The following ATP11B variants were observed in gnomAD, a reference collection of about 807,000 sequenced individuals.
The protein encoded by ATP11B is ATPase phospholipid transporting 11B (putative).
A neutral mutation model predicts 157.8 loss-of-function variants in ATP11B; 81 were observed. The observed-to-expected ratio is 0.51, with a 90% CI of 0.43 to 0.62. The LOEUF is 0.62. Ranked by LOEUF, ATP11B falls within the 20% of genes least tolerant of loss-of-function variation. ATP11B has a pLI of 0.00. For missense variants in ATP11B, 1,165 were observed against 1,402.2 expected, an observed-to-expected ratio of 0.83 and a Z score of 2.70; for synonymous variants, 451 against 469.4, an observed-to-expected ratio of 0.96 and a Z score of 0.51.
At chr3:182,811,523 C>G (rs1474615724) in intron 1 of ATP11B, among the ~76,000 whole-genome samples, 1 of 152,114 alleles carries the variant, frequency 6.6e-6, no homozygotes, top group Admixed American at 6.5e-5. Flanking sequence ...TGAAAAGTTC[C>G]TAGAAGTCCA....
chr3:182,853,590 T>A (rs1267799647), intron 10 of ATP11B, among the ~76,000 whole-genome samples: 1 of 152,142 alleles, frequency 6.6e-6, no homozygotes, highest in Non-Finnish European at 1.5e-5. Flanking sequence ...GCGTAATATA[T>A]TTAGGAATAA....
At chr3:182,912,892 T>C (rs1724890410) in intron 28 of ATP11B, among the ~76,000 whole-genome samples, 1 of 151,394 alleles carries the variant, frequency 6.6e-6, no homozygotes, top group South Asian at 2.1e-4. Flanking sequence ...AGAAGGTGAA[T>C]TGAAATAAGG....
chr3:182,889,999 A>G (rs1723069270), intron 25 of ATP11B, among the ~76,000 whole-genome samples: 1 of 152,186 alleles, frequency 6.6e-6, no homozygotes, highest in South Asian at 2.1e-4. Context: ...TTTGCTTTTA[A>G]TTGCATTGTT....
chr3:182,836,637 C>G, intron 6 of ATP11B, 167 bp downstream of exon 6: 2 of 773,514 alleles, frequency 2.6e-6, no homozygotes, highest in Non-Finnish European at 3.9e-6. Flanking sequence ...GATGTTATAT[C>G]TTTATTTCAA....
At chr3:182,914,815 A>T in intron 29 of ATP11B, 14 of 985,308 alleles carry the variant, frequency 1.4e-5, no homozygotes, top group Non-Finnish European at 1.7e-5. Context: ...TATTTAGAGG[A>T]TGTTAGGGGG....
intron 25 of ATP11B, among the ~76,000 whole-genome samples, chr3:182,890,038 T>C (rs1033765276): frequency 6.6e-6 from 1 of 152,232 alleles, no homozygotes; most frequent in Non-Finnish European, 1.5e-5. Flanking sequence ...ACCACATTCT[T>C]CATTGCACAC....
At chr3:182,852,300 T>C (rs1720040372) in intron 10 of ATP11B, among the ~76,000 whole-genome samples, 1 of 152,200 alleles carries the variant, frequency 6.6e-6, no homozygotes, top group Non-Finnish European at 1.5e-5. Flanking sequence ...AGCTATAAAG[T>C]TGACAAATTC....
chr3:182,895,647 C>T (rs539883439), intron 25 of ATP11B, among the ~76,000 whole-genome samples: 87 of 152,212 alleles, frequency 5.7e-4, no homozygotes, highest in African/African-American at 2.0e-3. Context: ...AGAAAGAGGG[C>T]GGCTCAACAG....
At chr3:182,836,495 T>G (rs1393791492) in intron 6 of ATP11B, 25 bp downstream of exon 6, 1 of 1,613,380 alleles carries the variant, frequency 6.2e-7, no homozygotes. Context: ...GTTTGAGTAT[T>G]GCTCTTGGTG....
chr3:182,807,120 T>A (rs1716373172), intron 1 of ATP11B, among the ~76,000 whole-genome samples: 1 of 152,148 alleles, frequency 6.6e-6, no homozygotes, highest in Non-Finnish European at 1.5e-5. Context: ...CCAAAGCCAA[T>A]AGCCAATTAG....
chr3:182,799,824 A>T (rs1355827927), intron 1 of ATP11B, among the ~76,000 whole-genome samples: 1 of 152,082 alleles, frequency 6.6e-6, no homozygotes, highest in Non-Finnish European at 1.5e-5. Flanking sequence ...TATAAGAAAA[A>T]CATTCTAGGC....
rs555987918 is a variant in ATP11B at position 182,834,260 on chromosome 3, CT to C, written c.316-1772del. ...ACATAATTTAGGTGTCTTAAGAGTG[CT>C]TTCCCACAAGGTTTCCATCTGAAAA... On this transcript the variant is annotated intron_variant, in intron 4 of 29. Transcript: ENST00000323116. 2.6e-5 allele frequency among the ~76,000 whole-genome samples: 4 copies of C among 152,282 alleles called. No individual in the cohort carries two copies. In the South Asian group the frequency reaches 6.2e-4, roughly 24 times the overall value.
At chr3:182,859,090 A>G in intron 11 of ATP11B, 72 bp from the exon 12 acceptor site, 1 of 1,117,920 alleles carries the variant, frequency 8.9e-7, no homozygotes, top group Non-Finnish European at 1.3e-6. Context: ...ACTTTCTGGT[A>G]ATTTTCATCA....
rs1250447779 is a variant in ATP11B at position 182,920,509 on chromosome 3, C to A, written c.*2405C>A. ...CCCCTTTGCATATTTCTTTAAAATT[C>A]TTTCTTTGGAAAGTATGATGTTGAT... On this transcript the variant is annotated 3_prime_UTR_variant, in exon 30 of 30. Coordinates refer to ENST00000323116, the MANE Select transcript of ATP11B (RefSeq NM_014616.3). 2 of 152,172 alleles carry A rather than the reference C, an allele frequency of 1.3e-5. No homozygotes were observed. Among genetic ancestry groups the A allele is most frequent in the African/African-American group, 2.4e-5 (1 of 41,442 alleles). 9.4% of individuals were successfully genotyped at this position (152,172 alleles called of 1,614,324 possible).
rs566896150 is a variant in ATP11B, at chr3:182,845,299, G to A, written c.705-159G>A. ...TAGCATTACAGGCGTTAGCCACCAC[G>A]CCCGGCCCCTGGGCAGCTTTATAGT... is the stretch of plus-strand genomic sequence containing the variant. On this transcript the variant is annotated intron_variant, in intron 8 of 29. Coordinates refer to ENST00000323116, the MANE Select transcript of ATP11B (RefSeq NM_014616.3). Among the ~76,000 whole-genome samples, 6 of 152,196 alleles carry A rather than the reference G, an allele frequency of 3.9e-5. No homozygotes were observed. The East Asian group carries it at 5.8e-4, about 15-fold the overall frequency.
chr3:182,894,123 G>A (rs1723360885), intron 25 of ATP11B, among the ~76,000 whole-genome samples: 1 of 149,766 alleles, frequency 6.7e-6, no homozygotes, highest in Admixed American at 6.6e-5. Flanking sequence ...CTCCCACTCT[G>A]TGCTTGTCTG....
At chr3:182,886,051 A>G in intron 23 of ATP11B, 41 bp downstream of exon 23, 1 of 1,318,940 alleles carries the variant, frequency 7.6e-7, no homozygotes. Context: ...TTGTCCTTTT[A>G]GAGTAACGTA....
At chr3:182,883,390 T>G (rs1722564629) in intron 21 of ATP11B, among the ~76,000 whole-genome samples, 1 of 151,866 alleles carries the variant, frequency 6.6e-6, no homozygotes, top group Non-Finnish European at 1.5e-5. Flanking sequence ...CCCAAGTAGC[T>G]GGGATTACAG....
chr3:182,907,030 T>G (rs913741947), intron 28 of ATP11B, among the ~76,000 whole-genome samples: 28 of 151,564 alleles, frequency 1.8e-4, no homozygotes, highest in Admixed American at 1.1e-3. Context: ...GAGGCGGAGC[T>G]TGCATTGAGC....
Sources: gnomAD v4.1 joint callset for allele counts (sites outside exome capture counted in the v4.1 genomes callset) on GRCh38, gnomAD v4.1.1 for gene constraint, MANE v1.5 for transcripts, NCBI Gene and HGNC (gene_info 2026-07-23, HGNC 2026-07-21) for gene names.